Variants in TAAR5 observed in about 807,000 individuals in gnomAD.
TAAR5 encodes the protein trace amine-associated receptor 5.
A neutral mutation model predicts 21.1 loss-of-function variants in TAAR5; 27 were observed. The ratio of observed to expected loss-of-function variants is 1.28; its 90% CI spans 0.94 to 1.76. The LOEUF (loss-of-function observed/expected upper bound fraction) is 1.76, where lower values mean the gene tolerates loss of function less well. Among genes scored for constraint, TAAR5 ranks in the 40% most tolerant of loss-of-function variants. The pLI is 0.00. For missense variants in TAAR5, 495 were observed against 405.6 expected (o/e 1.22, Z -1.89); for synonymous variants, 203 against 167.5 (o/e 1.21, Z -1.64).
In TAAR5 at chr6:132,589,200, C is replaced by G. The variant is rs755043659; in HGVS notation, c.487G>C (p.Ala163Pro). ...RYILAGWGVP[A>P]AYTSLFLYTD... ...TAGAGGAATAACGAAGTGTATGCTG[C>G]GGGCACCCCCCATCCTGCCAGGATG... Residue 163 changes from alanine (A) to proline (P), a missense_variant, in exon 1 of 1, where the codon GCA becomes CCA. Coordinates refer to ENST00000258034, the MANE Select transcript of TAAR5 (RefSeq NM_003967.3). The G allele has an allele frequency of 6.2e-7, 1 of 1,604,862 alleles. No homozygotes were observed. Among genetic ancestry groups the G allele is most frequent in the Non-Finnish European group, 8.5e-7 (1 of 1,175,374 alleles).
At chr6:132,594,031 T>A (rs1776942384), upstream of TAAR5, among the ~76,000 whole-genome samples, 2 of 152,236 alleles carry the variant, frequency 1.3e-5, no homozygotes, top group South Asian at 4.1e-4. Flanking sequence ...TACATGGCTG[T>A]CAATGATTGT....
upstream of TAAR5, among the ~76,000 whole-genome samples, chr6:132,593,443 A>T (rs2114580158): frequency 6.6e-6 from 1 of 152,324 alleles, no homozygotes; most frequent in South Asian, 2.1e-4. Flanking sequence ...TACAGACAGC[A>T]AGTATCATGG....
At chr6:132,612,667 C>T in the TAAR5 span, among the ~76,000 whole-genome samples, 88 of 152,232 alleles carry the variant, frequency 5.8e-4, no homozygotes, top group African/African-American at 2.1e-3. Flanking sequence ...CCCTCCGTGT[C>T]CCATTAAGGT....
chr6:132,589,585 C>A lies in TAAR5; in HGVS notation c.102G>T (p.Gln34His), dbSNP rs370305710. 9 of 1,613,806 alleles carry A rather than the reference C, an allele frequency of 5.6e-6. No homozygotes were observed. Among genetic ancestry groups the A allele is most frequent in the African/African-American group, 1.3e-5 (1 of 74,852 alleles). Reference protein sequence around the residue: ...CPRTVHTLGIQLVIYLACAAG... With the variant: ...CPRTVHTLGIHLVIYLACAAG... ...CTGCACAGGCCAGGTAGATGACCAA[C>A]TGGATGCCCAGAGTATGTACTGTCC... Residue 34 changes from glutamine to histidine, a missense_variant, in exon 1 of 1, where the codon CAG becomes CAT. Physicochemically the swap from Gln to His is conservative, Grantham distance 24. Coordinates refer to ENST00000258034, the MANE Select transcript of TAAR5 (RefSeq NM_003967.3).
At chr6:132,614,465 G>A in the TAAR5 span, among the ~76,000 whole-genome samples, 1 of 151,992 alleles carries the variant, frequency 6.6e-6, no homozygotes, top group African/African-American at 2.4e-5. Context: ...AACAATTTCT[G>A]ATTCTTTATA....
At chr6:132,609,075 A>G in the TAAR5 span, 1 of 453,112 alleles carries the variant, frequency 2.2e-6, no homozygotes. Context: ...AGAGGATCAG[A>G]AAGTTTGTGG....
the TAAR5 span, among the ~76,000 whole-genome samples, chr6:132,601,099 AGGAGGGAAGAAGGGAAGGAG>A: frequency 7.1e-6 from 1 of 141,400 alleles, no homozygotes; most frequent in East Asian, 2.2e-4. Flanking sequence ...GAGGGAGGGA[AGGAGGGAAGAAGGGAAGGAG>A]GGAAGGAGGG....
chr6:132,600,951 A>G, the TAAR5 span, among the ~76,000 whole-genome samples: 12 of 51,872 alleles, frequency 2.3e-4, no homozygotes, highest in East Asian at 9.2e-4. Flanking sequence ...GAGGGAAAGA[A>G]AGAAGGAGGG....
chr6:132,604,740 G>A, the TAAR5 span, among the ~76,000 whole-genome samples: 1 of 152,152 alleles, frequency 6.6e-6, no homozygotes, highest in Non-Finnish European at 1.5e-5. Context: ...TCTTTATCAG[G>A]TCCAACAGGA....
chr6:132,601,743 G>T, the TAAR5 span, among the ~76,000 whole-genome samples: 13 of 152,268 alleles, frequency 8.5e-5, no homozygotes, highest in Non-Finnish European at 1.8e-4. Flanking sequence ...GACATAAAAT[G>T]AAACTCTAAT....
Position 132,589,713 on chromosome 6 carries a change from G to C in TAAR5, c.-27C>G, listed in dbSNP as rs1450668786. On this transcript the variant is annotated 5_prime_UTR_variant, in exon 1 of 1. Coordinates refer to ENST00000258034, the MANE Select transcript of TAAR5 (RefSeq NM_003967.3). ...TATGATTTCTACTCTTCCTCTGTCT[G>C]AGAACTGGCCACCTTCTCCACTGGA... The C allele has an allele frequency of 1.5e-6, 1 of 670,256 alleles. No individual in the cohort carries two copies. Among genetic ancestry groups the C allele is most frequent in the East Asian group, 7.3e-5 (1 of 13,644 alleles). The allele number at this position is 670,256 out of a possible 1,614,324, so 41.5% of individuals were successfully genotyped here.
At chr6:132,601,109 A>AAGGAAGGAAGGAGGGAAGGAAGGAGGG in the TAAR5 span, among the ~76,000 whole-genome samples, 1 of 22,950 alleles carries the variant, frequency 4.4e-5, no homozygotes, top group African/African-American at 2.5e-4. Flanking sequence ...AGGAGGGAAG[A>AAGGAAGGAAGGAGGGAAGGAAGGAGGG]AGGGAAGGAG....
At chr6:132,605,780 T>C in the TAAR5 span, among the ~76,000 whole-genome samples, 1 of 150,410 alleles carries the variant, frequency 6.6e-6, no homozygotes, top group Non-Finnish European at 1.5e-5. Context: ...AACATCGAAG[T>C]TATTTTTGAA....
In TAAR5 at chr6:132,588,969, G is replaced by T. The variant is rs188569215; in HGVS notation, c.718C>A (p.Leu240Met). The change falls in exon 1 of 1, where the codon CTG (leucine) becomes ATG (methionine). Residue 240 changes from leucine to methionine, a missense_variant. Leu to Met is a conservative substitution (Grantham distance 15). Coordinates refer to ENST00000258034, the MANE Select transcript of TAAR5 (RefSeq NM_003967.3). Reference protein sequence around the residue: ...AQQITTLSKSLAGAAKHERKA... With the variant: ...AQQITTLSKSMAGAAKHERKA... Reference sequence around the variant, plus strand: ...CTCTCATGCTTGGCAGCCCCAGCCAGGCTTTTGCTCAATGTGGTAATCTGC... The same window carrying T: ...CTCTCATGCTTGGCAGCCCCAGCCATGCTTTTGCTCAATGTGGTAATCTGC... 1 of 1,614,048 alleles carries T rather than the reference G, an allele frequency of 6.2e-7. No individual in the cohort carries two copies. Among genetic ancestry groups the T allele is most frequent in the Non-Finnish European group, 8.5e-7 (1 of 1,179,980 alleles).
the TAAR5 span, among the ~76,000 whole-genome samples, chr6:132,616,733 A>T: frequency 1.3e-4 from 20 of 152,192 alleles, no homozygotes; most frequent in Non-Finnish European, 2.9e-5. Flanking sequence ...TTCAAAGTAC[A>T]TCTGGTAAGA....
Position 132,589,660 on chromosome 6 carries a change from A to C in TAAR5, c.27T>G (p.Ala9=). 1 of 1,563,198 alleles carries C rather than the reference A, an allele frequency of 6.4e-7. No individual in the cohort carries two copies. Among genetic ancestry groups the C allele is most frequent in the South Asian group, 1.1e-5 (1 of 88,940 alleles). The change falls in exon 1 of 1, where the codon GCT becomes GCG. Residue 9 remains alanine (A), a synonymous_variant. Coordinates refer to ENST00000258034, the MANE Select transcript of TAAR5 (RefSeq NM_003967.3). MRAVFIQG[A]EEHPAAFCYQ... ...AGCAGAATGCCGCAGGGTGCTCTTC[A>C]GCACCTTGGATGAAGACAGCTCTCA... is the stretch of plus-strand genomic sequence containing the variant.
At chr6:132,591,934 T>G (rs1776912994), upstream of TAAR5, among the ~76,000 whole-genome samples, 1 of 152,256 alleles carries the variant, frequency 6.6e-6, no homozygotes, top group Non-Finnish European at 1.5e-5. Flanking sequence ...ATTCATAAAG[T>G]GCAGTCTCTG....
At chr6:132,600,112 C>T in the TAAR5 span, among the ~76,000 whole-genome samples, 1 of 152,102 alleles carries the variant, frequency 6.6e-6, no homozygotes, top group South Asian at 2.1e-4. Flanking sequence ...GAACAGGGGC[C>T]CCTCAGAATG....
chr6:132,609,740 G>A, the TAAR5 span, among the ~76,000 whole-genome samples: 2 of 152,114 alleles, frequency 1.3e-5, no homozygotes, highest in Non-Finnish European at 2.9e-5. Flanking sequence ...AAATACCAAA[G>A]TTTTTCTTTA....
Sources: allele counts gnomAD v4.1 joint callset (sites outside exome capture counted in the v4.1 genomes callset), GRCh38; gene constraint gnomAD v4.1.1; transcripts MANE v1.5; gene names NCBI Gene and HGNC (gene_info 2026-07-23, HGNC 2026-07-21).